Variants in GRM7 observed in about 807,000 individuals in gnomAD.
The protein encoded by GRM7 is glutamate metabotropic receptor 7.
A neutral mutation model predicts 84.5 loss-of-function variants in GRM7; 35 were observed. That is an observed-to-expected ratio of 0.41 (90% CI 0.32 to 0.55). GRM7 has a LOEUF of 0.55. GRM7 is among the 20% of genes least tolerant of loss of function. GRM7 has a pLI of 0.19. For synonymous variants in GRM7, 487 were observed against 455.1 expected, an observed-to-expected ratio of 1.07 and a Z score of -0.89; for missense variants, 1,003 against 1,194.6, an observed-to-expected ratio of 0.84 and a Z score of 2.36.
chr3:7,335,594 AC>A, intron 4 of GRM7, among the ~76,000 whole-genome samples: 1 of 152,126 alleles, frequency 6.6e-6, no homozygotes, highest in East Asian at 1.9e-4. Flanking sequence ...ACAAAAAAAT[AC>A]AAAAGATAAA....
rs1258465055 is a variant in GRM7, at chr3:6,862,758, C to T, written c.519+851C>T. The T allele has an allele frequency of 3.2e-6, 1 of 313,698 alleles. No homozygotes were observed. The highest frequency in any genetic ancestry group is 6.3e-6 in the Non-Finnish European group (1 of 157,742). 19.4% of individuals were successfully genotyped at this position (313,698 alleles called of 1,614,324 possible). On this transcript the variant is annotated intron_variant, in intron 1 of 9. Transcript: ENST00000357716. The surrounding 1 kb of genome is among the most constrained non-coding windows in gnomAD (Gnocchi z 5.2). ...CCCCTCACCCACTATCTCCCTGACG[C>T]AGACCCCAAGCCAAATCCTCGGCTT... is the stretch of plus-strand genomic sequence containing the variant.
At chr3:7,176,228 G>GCAAAAAAAAAAA (rs1695141446) in intron 2 of GRM7, among the ~76,000 whole-genome samples, 1 of 13,996 alleles carries the variant, frequency 7.1e-5, no homozygotes, top group African/African-American at 3.5e-4. Context: ...TCTATAAAAA[G>GCAAAAAAAAAAA]TAAAAAAAAA....
rs139605536 is a variant in GRM7 at position 7,488,533 on chromosome 3, A to G, written c.1515+26811A>G. 9.1e-4 allele frequency among the ~76,000 whole-genome samples: 139 copies of G among 152,258 alleles called. 1 individual carries two copies. The highest frequency in any genetic ancestry group is 3.1e-3 in the African/African-American group (129 of 41,540). ...GGACTGAATTCATTTCTGCAGAGCAAATTAAGGCTGGCCCTCGTATTTGCT... is the reference window on the plus strand; with the variant it reads ...GGACTGAATTCATTTCTGCAGAGCAGATTAAGGCTGGCCCTCGTATTTGCT... On this transcript the variant is annotated intron_variant, in intron 7 of 9. Transcript: ENST00000357716.
intron 4 of GRM7, among the ~76,000 whole-genome samples, chr3:7,370,737 C>T (rs971017339): frequency 1.3e-5 from 2 of 152,110 alleles, no homozygotes; most frequent in East Asian, 3.9e-4. Flanking sequence ...CTCACCCTCC[C>T]TCATAGAAGA....
chr3:7,595,732 T>C (rs561014908), intron 8 of GRM7, among the ~76,000 whole-genome samples: 1 of 151,678 alleles, frequency 6.6e-6, no homozygotes. Context: ...AGGCCAGAGA[T>C]GAGCAAATGC....
In GRM7 at chr3:7,572,572, C is replaced by G. The variant is rs1013581015; in HGVS notation, c.1516-5850C>G. ...CAGTGGCTCACGCCTGTAATCCCAG[C>G]GCTTTGGGAGGCTGAAGCGGGCGGA... On this transcript the variant is annotated intron_variant, in intron 7 of 9. Transcript: ENST00000357716. Among the ~76,000 whole-genome samples, 6 of 151,580 alleles carry G rather than the reference C, an allele frequency of 4.0e-5. 1 individual carries two copies. The highest frequency in any genetic ancestry group is 1.5e-4 in the African/African-American group (6 of 41,194).
At chr3:7,402,035 CTT>C (rs1695475139) in intron 4 of GRM7, among the ~76,000 whole-genome samples, 1 of 152,144 alleles carries the variant, frequency 6.6e-6, no homozygotes, top group African/African-American at 2.4e-5. Context: ...ATGTAAGACT[CTT>C]TTCTCCCTCC....
At chr3:6,950,101 G>A (rs1368963971) in intron 1 of GRM7, among the ~76,000 whole-genome samples, 4 of 152,200 alleles carry the variant, frequency 2.6e-5, no homozygotes, top group Non-Finnish European at 4.4e-5. Context: ...CTGGTGAGGA[G>A]CTGCATTCCT....
intron 2 of GRM7, among the ~76,000 whole-genome samples, chr3:7,172,197 T>A (rs998601253): frequency 3.3e-5 from 5 of 152,154 alleles, no homozygotes; most frequent in Admixed American, 3.3e-4. Flanking sequence ...TCTGGGGTTT[T>A]ATATGATAAT....
chr3:7,074,982 T>C (rs1698012178), intron 1 of GRM7, among the ~76,000 whole-genome samples: 1 of 152,206 alleles, frequency 6.6e-6, no homozygotes, highest in African/African-American at 2.4e-5. Flanking sequence ...CAGTGATCAT[T>C]TTAGTCTGAG....
chr3:6,952,869 C>T (rs138611675), intron 1 of GRM7, among the ~76,000 whole-genome samples: 6 of 152,142 alleles, frequency 3.9e-5, no homozygotes, highest in South Asian at 2.1e-4. Context: ...CCAACATCCT[C>T]GTGGTTAAAA....
chr3:7,162,523 A>G (rs1694656372), intron 2 of GRM7, among the ~76,000 whole-genome samples: 1 of 152,080 alleles, frequency 6.6e-6, no homozygotes, highest in Admixed American at 6.6e-5. Context: ...TTTTAGGTGA[A>G]ATGTTAAGGC....
At chr3:7,036,397 T>C (rs1033097195) in intron 1 of GRM7, among the ~76,000 whole-genome samples, 12 of 152,194 alleles carry the variant, frequency 7.9e-5, no homozygotes, top group African/African-American at 2.9e-4. Flanking sequence ...ATGTCTCTGT[T>C]TGACGATGGC....
chr3:6,950,091 C>T (rs1051990276), intron 1 of GRM7, among the ~76,000 whole-genome samples: 1 of 152,190 alleles, frequency 6.6e-6, no homozygotes, highest in African/African-American at 2.4e-5. Flanking sequence ...ATTTCCTTTG[C>T]TGGTGAGGAG....
intron 8 of GRM7, among the ~76,000 whole-genome samples, chr3:7,580,041 C>G (rs1367304435): frequency 6.6e-6 from 1 of 152,226 alleles, no homozygotes; most frequent in East Asian, 1.9e-4. Context: ...CTAGTGTCAT[C>G]AAGCTGTGAA....
chr3:7,393,679 C>T (rs1311676592), intron 4 of GRM7, among the ~76,000 whole-genome samples: 1 of 152,114 alleles, frequency 6.6e-6, no homozygotes, highest in Non-Finnish European at 1.5e-5. Context: ...TTGTCTCTTC[C>T]CAATAAAAAT....
intron 8 of GRM7, among the ~76,000 whole-genome samples, chr3:7,641,997 C>A (rs1698385189): frequency 6.6e-6 from 1 of 151,830 alleles, no homozygotes; most frequent in African/African-American, 2.4e-5. Context: ...TGAGTAAATA[C>A]ATCGTACCAC....
At chr3:7,084,715 A>C (rs1698383913) in intron 1 of GRM7, among the ~76,000 whole-genome samples, 2 of 152,018 alleles carry the variant, frequency 1.3e-5, no homozygotes. Context: ...GTCTGGAGTC[A>C]CTCTTTAATA....
At chr3:7,340,064 A>T (rs1184608576) in intron 4 of GRM7, among the ~76,000 whole-genome samples, 2 of 152,136 alleles carry the variant, frequency 1.3e-5, no homozygotes, top group African/African-American at 4.8e-5. Context: ...AAAGTTCAAG[A>T]GCTCTTATAT....
Sources: gnomAD v4.1 joint callset for allele counts (sites outside exome capture counted in the v4.1 genomes callset) on GRCh38, gnomAD v4.1.1 for gene constraint, Gnocchi (gnomAD v3.1) non-coding constraint, MANE v1.5 for transcripts, NCBI Gene and HGNC (gene_info 2026-07-23, HGNC 2026-07-21) for gene names.